SLC25A32: variants seen among roughly 807,000 people sequenced by gnomAD.
The protein encoded by SLC25A32 is Glycine auxotroph B, complementation of hamster.
A neutral mutation model predicts 39.0 loss-of-function variants in SLC25A32; 32 were observed. The ratio of observed to expected loss-of-function variants is 0.82; its 90% confidence interval spans 0.62 to 1.10. The LOEUF (loss-of-function observed/expected upper bound fraction) is 1.10. Among genes scored for constraint, SLC25A32 ranks in the 50% least tolerant of loss-of-function variants. The probability of loss-of-function intolerance (pLI) is 0.00; values close to 1 mark genes in which losing one functional copy is unlikely to be tolerated. For missense variants in SLC25A32, 367 were observed against 395.3 expected (o/e 0.93, Z 0.61); for synonymous variants, 166 against 152.4 (o/e 1.09, Z -0.66).
rs3134294 is a variant in SLC25A32 at position 103,414,570 on chromosome 8, A to C, written c.154+214T>G. 0.059 allele frequency: 36,939 copies of C among 630,378 alleles called. 1,358 individuals carry two copies. The highest frequency in any genetic ancestry group is 0.077 in the Non-Finnish European group (28,309 of 367,440). 39.0% of individuals were successfully genotyped at this position (630,378 alleles called of 1,614,324 possible). A position where few individuals can be genotyped will look rare whatever the true frequency, so the allele number is the denominator to read the frequency against. ...GATGTTTTTTCTCAGACTTCTCTAC[A>C]TACATGCCCCCTCTCTTAGTCTTGA... is the stretch of plus-strand genomic sequence containing the variant. On this transcript the variant is annotated intron_variant, in intron 1 of 6. Coordinates refer to ENST00000297578, the MANE Select transcript of SLC25A32 (RefSeq NM_030780.5).
chr8:103,404,853 G>T lies in SLC25A32; in HGVS notation c.314C>A (p.Ala105Asp). 6.2e-7 allele frequency: 1 copy of T among 1,606,854 alleles called. No homozygotes were observed. The highest frequency in any genetic ancestry group is 8.5e-7 in the Non-Finnish European group (1 of 1,173,890). Residue 105 changes from alanine to aspartate, a missense_variant, in exon 3 of 7, where the codon GCC becomes GAC. Ala to Asp is a moderately radical substitution (Grantham distance 126). Coordinates refer to ENST00000297578, the MANE Select transcript of SLC25A32 (RefSeq NM_030780.5). ...SWGLYFFFYN[A>D]IKSYKTEGRA... Reference sequence around the variant, plus strand: ...TCCTTCTGTTTTATATGACTTGATGGCATTGTAACTAAAAGAATTAAATGT... The same window carrying T: ...TCCTTCTGTTTTATATGACTTGATGTCATTGTAACTAAAAGAATTAAATGT...
At chr8:103,411,324 T>C (rs1816458628) in intron 1 of SLC25A32, among the ~76,000 whole-genome samples, 2 of 152,196 alleles carry the variant, frequency 1.3e-5, no homozygotes, top group Admixed American at 6.5e-5. Context: ...AGTATTTAAA[T>C]AGACTTAAGT....
chr8:103,408,133 A>G (rs945812776), intron 1 of SLC25A32, among the ~76,000 whole-genome samples: 2 of 149,996 alleles, frequency 1.3e-5, no homozygotes, highest in African/African-American at 4.9e-5. Flanking sequence ...ACACATCACC[A>G]TGCCCAGCTA....
At position 103,401,641 on chromosome 8, in the gene SLC25A32, A is replaced by G. The variant is rs763710113; in HGVS notation, c.687T>C (p.Ser229=). The G allele has an allele frequency of 1.4e-5, 23 of 1,611,948 alleles. No homozygotes were observed. Among genetic ancestry groups the G allele is most frequent in the Non-Finnish European group, 1.8e-5 (21 of 1,179,096 alleles). The change falls in exon 6 of 7, where the codon TCT becomes TCC. Residue 229 remains serine (S), a synonymous_variant. Coordinates refer to ENST00000297578, the MANE Select transcript of SLC25A32 (RefSeq NM_030780.5). The part of the protein sequence containing the change: ...EAQLSTVEYI[S]VAALSKIFAV... ...CAAATATTTTGGATAGTGCTGCAAC[A>G]GATATATATTCTACTGTGCTCTAAA...
intron 1 of SLC25A32, among the ~76,000 whole-genome samples, chr8:103,410,841 T>A (rs935111929): frequency 6.6e-6 from 1 of 152,092 alleles, no homozygotes; most frequent in Admixed American, 6.5e-5. Context: ...AGAAAGACAA[T>A]ATAATGACTT....
Position 103,403,250 on chromosome 8 carries a change from C to G in SLC25A32, c.466G>C (p.Val156Leu). 6.2e-7 allele frequency: 1 copy of G among 1,612,798 alleles called. No individual in the cohort carries two copies. Among genetic ancestry groups the G allele is most frequent in the Middle Eastern group, 1.7e-4 (1 of 6,058 alleles). ...TTATATTGTCGGTGTGGGGAGTTAA[C>G]AACAGCATCATACTGTAACATAAGG... ...TRLMLQYDAV[V>L]NSPHRQYKGM... The change falls in exon 4 of 7, where the codon GTT (valine) becomes CTT (leucine). Residue 156 changes from valine (V) to leucine (L), a missense_variant. Val to Leu is a conservative substitution (Grantham distance 32). Transcript: ENST00000297578.
chr8:103,403,285 G>A lies in SLC25A32; in HGVS notation c.431C>T (p.Thr144Ile). Residue 144 changes from threonine to isoleucine, a missense_variant, in exon 4 of 7, where the codon ACA (threonine) becomes ATA (isoleucine). Physicochemically the swap from Thr to Ile is moderately conservative, Grantham distance 89. Transcript: ENST00000297578. ...ATACTGTAACATAAGGCGAGTTTTT[G>A]TTACCCATAATGGGTTTGTAATGCA... ...TLCITNPLWV[T>I]KTRLMLQYDA... 2 of 1,612,212 alleles carry A rather than the reference G, an allele frequency of 1.2e-6. No individual in the cohort carries two copies. Among genetic ancestry groups the A allele is most frequent in the Non-Finnish European group, 1.7e-6 (2 of 1,179,172 alleles).
chr8:103,404,160 A>G (rs1199660203), intron 3 of SLC25A32, among the ~76,000 whole-genome samples: 1 of 152,224 alleles, frequency 6.6e-6, no homozygotes, highest in Non-Finnish European at 1.5e-5. Flanking sequence ...TAATTTGAAA[A>G]TTAAAATTAT....
At chr8:103,408,025 T>C (rs760848331) in intron 1 of SLC25A32, among the ~76,000 whole-genome samples, 4 of 150,346 alleles carry the variant, frequency 2.7e-5, no homozygotes, top group Non-Finnish European at 5.9e-5. Context: ...TTGCCCCGGC[T>C]GGAGTGCAGT....
At position 103,400,017 on chromosome 8, in the gene SLC25A32, A is replaced by G. The variant is rs1383395031; in HGVS notation, c.*394T>C. 1 of 179,476 alleles carries G rather than the reference A, an allele frequency of 5.6e-6. No homozygotes were observed. The highest frequency in any genetic ancestry group is 1.7e-4 in the East Asian group (1 of 5,834). The allele number at this position is 179,476 out of a possible 1,614,324, so 11.1% of individuals were successfully genotyped here. A position where few individuals can be genotyped will look rare whatever the true frequency, so the allele number is the denominator to read the frequency against. ...TACAAAGACATTCTTTTAAAGAGCTATTTTCTTGGTATTGCACAAAGGTTA... is the reference window on the plus strand; with the variant it reads ...TACAAAGACATTCTTTTAAAGAGCTGTTTTCTTGGTATTGCACAAAGGTTA... On this transcript the variant is annotated 3_prime_UTR_variant, in exon 7 of 7. Transcript: ENST00000297578.
At chr8:103,411,135 T>C (rs1816454715) in intron 1 of SLC25A32, among the ~76,000 whole-genome samples, 1 of 152,206 alleles carries the variant, frequency 6.6e-6, no homozygotes, top group Non-Finnish European at 1.5e-5. Context: ...AAACTTGTGT[T>C]TCAGTAATGT....
Position 103,401,536 on chromosome 8 carries a change from A to T in SLC25A32, c.792T>A (p.Asp264Glu). ...DQHMFYSGVI[D>E]VITKTWRKEG... ...CTCACCTCCATGTCTTTGTGATTACATCTATTACACCACTGTAAAACATGT... is the reference window on the plus strand; with the variant it reads ...CTCACCTCCATGTCTTTGTGATTACTTCTATTACACCACTGTAAAACATGT... Residue 264 changes from aspartate to glutamate, a missense_variant, in exon 6 of 7, where the codon GAT (aspartate) becomes GAA (glutamate). Physicochemically the swap from Asp to Glu is conservative, Grantham distance 45. Coordinates refer to ENST00000297578, the MANE Select transcript of SLC25A32 (RefSeq NM_030780.5). 1 of 1,613,250 alleles carries T rather than the reference A, an allele frequency of 6.2e-7. No homozygotes were observed.
Position 103,406,834 on chromosome 8 carries a change from G to A in SLC25A32, c.305+800C>T, listed in dbSNP as rs117511695. ...GCCATCTCAAATATCTTGGGAATCT[G>A]GTTGAGGATAAACAAGTAATTAATG... On this transcript the variant is annotated intron_variant, in intron 2 of 6. Coordinates refer to ENST00000297578, the MANE Select transcript of SLC25A32 (RefSeq NM_030780.5). Among the ~76,000 whole-genome samples, 6 of 152,260 alleles carry A rather than the reference G, an allele frequency of 3.9e-5. No individual in the cohort carries two copies. The East Asian group carries it at 1.2e-3, about 29-fold the overall frequency.
In SLC25A32 at chr8:103,400,128, C is replaced by A. The variant is rs1586108946; in HGVS notation, c.*283G>T. Reference sequence around the variant, plus strand: ...AGCAAATGTTGCAAATCAGCTTCCACCAATAAAACGTAGAAATCTGTGAAA... The same window carrying A: ...AGCAAATGTTGCAAATCAGCTTCCAACAATAAAACGTAGAAATCTGTGAAA... On this transcript the variant is annotated 3_prime_UTR_variant, in exon 7 of 7. Coordinates refer to ENST00000297578, the MANE Select transcript of SLC25A32 (RefSeq NM_030780.5). 2.6e-6 allele frequency: 1 copy of A among 380,884 alleles called. No individual in the cohort carries two copies. Among genetic ancestry groups the A allele is most frequent in the South Asian group, 3.5e-5 (1 of 28,870 alleles). The allele number at this position is 380,884 out of a possible 1,614,324, so 23.6% of individuals were successfully genotyped here.
chr8:103,400,207 G>A lies in SLC25A32; in HGVS notation c.*204C>T. 1 of 567,400 alleles carries A rather than the reference G, an allele frequency of 1.8e-6. No homozygotes were observed. Among genetic ancestry groups the A allele is most frequent in the Non-Finnish European group, 3.0e-6 (1 of 327,876 alleles). 35.1% of individuals were successfully genotyped at this position (567,400 alleles called of 1,614,324 possible). ...GTGTTGATGGCAGCCATTTCAGGCA[G>A]AGGTAGCCAAGTTCCATATATATGG... is the stretch of plus-strand genomic sequence containing the variant. On this transcript the variant is annotated 3_prime_UTR_variant, in exon 7 of 7. Transcript: ENST00000297578.
At chr8:103,402,230 G>A in intron 4 of SLC25A32, 176 bp from the exon 5 acceptor site, 1 of 481,820 alleles carries the variant, frequency 2.1e-6, no homozygotes, top group Admixed American at 3.8e-5. Flanking sequence ...GACATGGGTA[G>A]TATTCTCTTC....
chr8:103,413,185 T>A (rs985806488), intron 1 of SLC25A32, among the ~76,000 whole-genome samples: 27 of 152,238 alleles, frequency 1.8e-4, no homozygotes, highest in African/African-American at 6.5e-4. Flanking sequence ...AGGAATGATA[T>A]GCTTCAAAGC....
chr8:103,400,628 G>A, intron 6 of SLC25A32, 82 bp from the exon 7 acceptor site: 2 of 1,408,904 alleles, frequency 1.4e-6, no homozygotes, highest in Non-Finnish European at 2.0e-6. Context: ...CACAAGGCAT[G>A]GAGCAAGCAG....
chr8:103,400,308 G>T lies in SLC25A32; in HGVS notation c.*103C>A. ...CTTCTAATGACTATAGAGCAATTTCGAATATGAGCCATGTTTCTATGCAGA... is the reference window on the plus strand; with the variant it reads ...CTTCTAATGACTATAGAGCAATTTCTAATATGAGCCATGTTTCTATGCAGA... On this transcript the variant is annotated 3_prime_UTR_variant, in exon 7 of 7. Transcript: ENST00000297578. 1.5e-6 allele frequency: 2 copies of T among 1,363,956 alleles called. No homozygotes were observed. The highest frequency in any genetic ancestry group is 1.0e-6 in the Non-Finnish European group (1 of 977,436). 84.5% of individuals were successfully genotyped at this position (1,363,956 alleles called of 1,614,324 possible).
Sources: gnomAD v4.1 joint callset for allele counts (sites outside exome capture counted in the v4.1 genomes callset) on GRCh38, gnomAD v4.1.1 for gene constraint, MANE v1.5 for transcripts, NCBI Gene and HGNC (gene_info 2026-07-23, HGNC 2026-07-21) for gene names.